Variants in TAF8 observed in about 807,000 individuals in gnomAD.
TAF8 encodes the protein transcription initiation factor TFIID subunit 8.
A neutral mutation model predicts 36.5 loss-of-function variants in TAF8; 47 were observed. The observed-to-expected ratio is 1.29, with a 90% CI of 1.02 to 1.64. TAF8 has a LOEUF of 1.64. TAF8 is among the 40% of genes most tolerant of loss of function. The pLI is 0.00. For synonymous variants in TAF8, 175 were observed against 159.5 expected (o/e 1.10, Z -0.73); for missense variants, 420 against 407.6 (o/e 1.03, Z -0.26).
Position 42,065,071 on chromosome 6 carries a change from C to G in TAF8, c.490-1241C>G, listed in dbSNP as rs548317274. On this transcript the variant is annotated intron_variant, in intron 5 of 8. Coordinates refer to ENST00000372977, the MANE Select transcript of TAF8 (RefSeq NM_138572.3). ...CCAATTAAAATGTTTTCCGGCTGGG[C>G]GCGGTGACTCACACCTGTAATCCCA... Among the ~76,000 whole-genome samples, 3 of 150,724 alleles carry G rather than the reference C, an allele frequency of 2.0e-5. No individual in the cohort carries two copies. The East Asian group carries it at 6.1e-4, about 31-fold the overall frequency.
chr6:42,060,642 G>T (rs1221216078), intron 5 of TAF8, among the ~76,000 whole-genome samples: 1 of 152,126 alleles, frequency 6.6e-6, no homozygotes, highest in Non-Finnish European at 1.5e-5. Flanking sequence ...CAGAGACTCT[G>T]TGTGGACGGG....
chr6:42,055,916 G>A (rs768403334), intron 3 of TAF8, 36 bp from the exon 4 acceptor site: 24 of 1,376,178 alleles, frequency 1.7e-5, no homozygotes, highest in Non-Finnish European at 2.2e-5. Flanking sequence ...AATATCCAGT[G>A]GTCTGGGCAG....
At position 42,055,595 on chromosome 6, in the gene TAF8, A is replaced by C; in HGVS notation, c.267A>C (p.Thr89=). 6.2e-7 allele frequency: 1 copy of C among 1,614,176 alleles called. No homozygotes were observed. The highest frequency in any genetic ancestry group is 8.5e-7 in the Non-Finnish European group (1 of 1,180,012). Residue 89 remains threonine (T), a synonymous_variant, in exon 3 of 9, where the codon ACA becomes ACC. Coordinates refer to ENST00000372977, the MANE Select transcript of TAF8 (RefSeq NM_138572.3). ...YCEHTARTQP[T]LSDIVVTLVE... ...AGCACACAGCCAGGACCCAGCCCAC[A>C]CTGTCCGATATCGTGGTCACACTTG...
At position 42,080,904 on chromosome 6, in the gene TAF8, A is replaced by G; in HGVS notation, c.*3359A>G. On this transcript the variant is annotated 3_prime_UTR_variant, in exon 9 of 9. Coordinates refer to ENST00000372977, the MANE Select transcript of TAF8 (RefSeq NM_138572.3). ...TTCATAATAAAAACTTTGTAAATAA[A>G]TAGAACTGTAAGCTTTGAACTTAAT... The G allele has an allele frequency of 6.1e-6, 6 of 983,220 alleles. No individual in the cohort carries two copies. The highest frequency in any genetic ancestry group is 7.2e-6 in the Non-Finnish European group (6 of 827,908). The allele number at this position is 983,220 out of a possible 1,614,324, so 60.9% of individuals were successfully genotyped here.
chr6:42,080,750 C>G lies in TAF8; in HGVS notation c.*3205C>G. On this transcript the variant is annotated 3_prime_UTR_variant, in exon 9 of 9. Coordinates refer to ENST00000372977, the MANE Select transcript of TAF8 (RefSeq NM_138572.3). ...GGTTAGACAACTTGAAACATTGACC[C>G]TGTATAAAAATGCAAAATTCTCAAT... 1 of 985,118 alleles carries G rather than the reference C, an allele frequency of 1.0e-6. No individual in the cohort carries two copies. The highest frequency in any genetic ancestry group is 4.7e-5 in the South Asian group (1 of 21,276). 61.0% of individuals were successfully genotyped at this position (985,118 alleles called of 1,614,324 possible).
Position 42,080,550 on chromosome 6 carries a change from A to ATTTT in TAF8, c.*3007_*3010dup, listed in dbSNP as rs1264913631. ...ACAATTCTCGGCTAATTTTTTTTGT[A>ATTTT]TTTTTGGTAGAGACGGGGTTTCACC... On this transcript the variant is annotated 3_prime_UTR_variant, in exon 9 of 9. Transcript: ENST00000372977. The ATTTT allele has an allele frequency of 2.0e-6, 1 of 500,598 alleles. No individual in the cohort carries two copies. The highest frequency in any genetic ancestry group is 2.6e-6 in the Non-Finnish European group (1 of 387,972). The allele number at this position is 500,598 out of a possible 1,614,324, so 31.0% of individuals were successfully genotyped here.
At chr6:42,061,020 G>A (rs1434705856) in intron 5 of TAF8, among the ~76,000 whole-genome samples, 3 of 152,272 alleles carry the variant, frequency 2.0e-5, no homozygotes, top group Admixed American at 6.5e-5. Flanking sequence ...TTAGCTCTCC[G>A]TGAGAGTCCT....
chr6:42,051,322 C>T (rs769996697), intron 1 of TAF8, 35 bp from the exon 2 acceptor site: 1 of 1,596,684 alleles, frequency 6.3e-7, no homozygotes, highest in Non-Finnish European at 8.6e-7. Context: ...TTGCATCCTT[C>T]TCCTGTGGAT....
chr6:42,085,113 T>C (rs1027321713), downstream of TAF8, among the ~76,000 whole-genome samples: 3 of 152,190 alleles, frequency 2.0e-5, no homozygotes, highest in African/African-American at 7.2e-5. Context: ...GACACATTTT[T>C]CCCTTTTTTT....
Position 42,080,693 on chromosome 6 carries a change from T to C in TAF8, c.*3148T>C. ...CGCCTGGCCTCAGAGGCTATACTCTTATAATTTTGTTCTGAGGGGAGACAG... is the reference window on the plus strand; with the variant it reads ...CGCCTGGCCTCAGAGGCTATACTCTCATAATTTTGTTCTGAGGGGAGACAG... On this transcript the variant is annotated 3_prime_UTR_variant, in exon 9 of 9. Transcript: ENST00000372977. The C allele has an allele frequency of 1.0e-6, 1 of 985,294 alleles. No individual in the cohort carries two copies. Among genetic ancestry groups the C allele is most frequent in the Non-Finnish European group, 1.2e-6 (1 of 829,864 alleles). The allele number at this position is 985,294 out of a possible 1,614,324, so 61.0% of individuals were successfully genotyped here.
chr6:42,076,964 A>G, intron 7 of TAF8, 136 bp from the exon 8 acceptor site: 1 of 1,122,266 alleles, frequency 8.9e-7, no homozygotes. Flanking sequence ...CGGGGCAGAG[A>G]TAGGAATGTT....
chr6:42,050,957 C>T, intron 1 of TAF8: 4 of 1,110,552 alleles, frequency 3.6e-6, no homozygotes, highest in Non-Finnish European at 4.4e-6. Flanking sequence ...TCGCGGTCAC[C>T]TCTTGTTACT....
chr6:42,074,364 A>G (rs1157486029), intron 7 of TAF8, among the ~76,000 whole-genome samples: 1 of 152,154 alleles, frequency 6.6e-6, no homozygotes, highest in Admixed American at 6.5e-5. Context: ...TAGGGCTGGC[A>G]TTGTACTCCA....
intron 7 of TAF8, among the ~76,000 whole-genome samples, chr6:42,072,068 G>A (rs1054094223): frequency 1.3e-5 from 2 of 152,174 alleles, no homozygotes; most frequent in Admixed American, 6.5e-5. Context: ...CCGTGATTGT[G>A]TTACTTTACG....
At chr6:42,054,585 T>G (rs1330069651) in intron 2 of TAF8, among the ~76,000 whole-genome samples, 1 of 152,194 alleles carries the variant, frequency 6.6e-6, no homozygotes, top group Non-Finnish European at 1.5e-5. Flanking sequence ...TCTACCTTAT[T>G]TCACTTAGCA....
At chr6:42,062,881 T>A (rs1282464987) in intron 5 of TAF8, among the ~76,000 whole-genome samples, 2 of 152,052 alleles carry the variant, frequency 1.3e-5, no homozygotes, top group African/African-American at 4.8e-5. Context: ...AAAATTACAT[T>A]CCCTTTAACA....
intron 5 of TAF8, 158 bp downstream of exon 5, chr6:42,057,671 G>C (rs1765052808): frequency 6.2e-6 from 6 of 975,292 alleles, no homozygotes; most frequent in Non-Finnish European, 8.8e-6. Flanking sequence ...TGTAATCCCA[G>C]CATTTTAGGA....
At chr6:42,056,886 G>A (rs535667891) in intron 4 of TAF8, among the ~76,000 whole-genome samples, 3 of 152,154 alleles carry the variant, frequency 2.0e-5, no homozygotes, top group Admixed American at 6.6e-5. Context: ...GATTACAGGC[G>A]TGAGCCACCG....
Position 42,077,694 on chromosome 6 carries a change from T to G in TAF8, c.*149T>G. ...ACATGATTTTCATGGCAAACCGTCT[T>G]ATTAAGATGACCTATTTTCACTGGA... On this transcript the variant is annotated 3_prime_UTR_variant, in exon 9 of 9. Coordinates refer to ENST00000372977, the MANE Select transcript of TAF8 (RefSeq NM_138572.3). The G allele has an allele frequency of 6.7e-7, 1 of 1,492,160 alleles. No individual in the cohort carries two copies. Among genetic ancestry groups the G allele is most frequent in the Non-Finnish European group, 8.9e-7 (1 of 1,124,046 alleles). 92.4% of individuals were successfully genotyped at this position (1,492,160 alleles called of 1,614,324 possible).
Sources: allele counts gnomAD v4.1 joint callset (sites outside exome capture counted in the v4.1 genomes callset), GRCh38; gene constraint gnomAD v4.1.1; transcripts MANE v1.5; gene names NCBI Gene and HGNC (gene_info 2026-07-23, HGNC 2026-07-21).